STAB2: variants seen among roughly 807,000 people sequenced by gnomAD.
STAB2 encodes stabilin-2.
A neutral mutation model predicts 338.1 loss-of-function variants in STAB2; 288 were observed. That is an observed-to-expected ratio of 0.85 (90% CI 0.77 to 0.94). The LOEUF (loss-of-function observed/expected upper bound fraction) is 0.94, where lower values mean the gene tolerates loss of function less well. Ranked by LOEUF, STAB2 falls within the 40% of genes least tolerant of loss-of-function variation. STAB2 has a pLI of 0.00. For missense variants in STAB2, 3,141 were observed against 3,210.1 expected, an observed-to-expected ratio of 0.98 and a Z score of 0.52; for synonymous variants, 1,202 against 1,193.3, an observed-to-expected ratio of 1.01 and a Z score of -0.15.
At position 103,721,413 on chromosome 12, in the gene STAB2, A is replaced by T. The variant is rs1439777253; in HGVS notation, c.4684-3562A>T. ...GAGCCAGTGTGAATGCAGTAAAGGG[A>T]ATAAAAGGGAGGTGGTGAGAGGGGC... On this transcript the variant is annotated intron_variant, in intron 44 of 68. Transcript: ENST00000388887. Among the ~76,000 whole-genome samples, 3 of 152,184 alleles carry T rather than the reference A, an allele frequency of 2.0e-5. No homozygotes were observed. The East Asian group carries it at 5.8e-4, about 29-fold the overall frequency.
At chr12:103,609,633 A>C (rs1355909812) in intron 3 of STAB2, among the ~76,000 whole-genome samples, 1 of 152,138 alleles carries the variant, frequency 6.6e-6, no homozygotes, top group Non-Finnish European at 1.5e-5. Flanking sequence ...TCATCTGCAA[A>C]CAGGGACAAT....
intron 27 of STAB2, among the ~76,000 whole-genome samples, chr12:103,685,465 T>C (rs35168943): frequency 0.15 from 20,522 of 141,342 alleles, 1,660 homozygotes; most frequent in East Asian, 0.3. Flanking sequence ...CGCGTGCGTG[T>C]GTGTGTGCGT....
chr12:103,730,008 A>G, intron 48 of STAB2, 108 bp from the exon 49 acceptor site: 1 of 1,026,230 alleles, frequency 9.7e-7, no homozygotes, highest in East Asian at 2.6e-5. Context: ...TTGGATATTC[A>G]GTTTTTGCTC....
At chr12:103,599,788 A>G (rs1593806) in intron 3 of STAB2, among the ~76,000 whole-genome samples, 48,931 of 152,068 alleles carry the variant, frequency 0.32, 10,035 homozygotes, top group African/African-American at 0.58. Context: ...AAAGCACTTA[A>G]GATGTGCCTG....
chr12:103,744,135 T>C (rs1287268323), intron 56 of STAB2, among the ~76,000 whole-genome samples: 1 of 126,598 alleles, frequency 7.9e-6, no homozygotes, highest in East Asian at 2.4e-4. Context: ...AATTGGTACA[T>C]ATTTTTTAAT....
At position 103,737,599 on chromosome 12, in the gene STAB2, TCTTTCTC is replaced by T. The variant is rs779350288; in HGVS notation, c.5551-34_5551-28del. On this transcript the variant is annotated intron_variant, in intron 52 of 68. Transcript: ENST00000388887. ...TTCTCTCTCTCTCTCTCTCTCTCTC[TCTTTCTC>T]TTTTTTTTTTTTTTTTTTCTTTCTT... 8,278 of 1,339,514 alleles carry T rather than the reference TCTTTCTC, an allele frequency of 6.2e-3. 259 individuals are homozygous for T. Among genetic ancestry groups the T allele is most frequent in the East Asian group, 0.014 (513 of 37,332 alleles). The allele number at this position is 1,339,514 out of a possible 1,614,324, so 83.0% of individuals were successfully genotyped here.
intron 8 of STAB2, among the ~76,000 whole-genome samples, chr12:103,639,704 C>CAA (rs11449305): frequency 0.03 from 2,786 of 91,600 alleles, 114 homozygotes; most frequent in African/African-American, 0.093. Context: ...GACCCTGTCT[C>CAA]AAAAAAAAAA....
rs1380184282 is a variant in STAB2 at position 103,755,390 on chromosome 12, G to A, written c.6803G>A (p.Gly2268Asp). ...TAFASQNCGS[G>D]VVGIVDYGPR... Reference sequence around the variant, plus strand: ...TTCGCCTCCCAGAACTGTGGCTCTGGTGTGGTTGGGATAGTGGACTATGGA... The same window carrying A: ...TTCGCCTCCCAGAACTGTGGCTCTGATGTGGTTGGGATAGTGGACTATGGA... Residue 2268 changes from glycine (G) to aspartate (D), a missense_variant, in exon 62 of 69, where the codon GGT (glycine) becomes GAT (aspartate). By Grantham distance (94) the Gly-to-Asp change is moderately conservative. Transcript: ENST00000388887. 2 of 1,614,164 alleles carry A rather than the reference G, an allele frequency of 1.2e-6. No homozygotes were observed. Among genetic ancestry groups the A allele is most frequent in the Non-Finnish European group, 1.7e-6 (2 of 1,180,030 alleles).
Position 103,740,884 on chromosome 12 carries a change from C to T in STAB2, c.5881+128C>T, listed in dbSNP as rs1190805796. On this transcript the variant is annotated intron_variant, in intron 55 of 68. Transcript: ENST00000388887. ...CACTGCTAATAATGATTCCCAGACC[C>T]CAGAACTCTGAAGAGTTGTGTATCA... 5 of 1,327,134 alleles carry T rather than the reference C, an allele frequency of 3.8e-6. No individual in the cohort carries two copies. The East Asian group carries it at 8.1e-5, about 21-fold the overall frequency. The allele number at this position is 1,327,134 out of a possible 1,614,324, so 82.2% of individuals were successfully genotyped here. A position where few individuals can be genotyped will look rare whatever the true frequency, so the allele number is the denominator to read the frequency against.
intron 35 of STAB2, 62 bp downstream of exon 35, chr12:103,703,338 T>G: frequency 6.3e-6 from 10 of 1,578,914 alleles, no homozygotes; most frequent in East Asian, 4.5e-5. Flanking sequence ...TTTTATATAA[T>G]TTTGGGGGCA....
chr12:103,604,634 A>G (rs1181221583), intron 3 of STAB2, among the ~76,000 whole-genome samples: 6 of 151,970 alleles, frequency 3.9e-5, no homozygotes, highest in Non-Finnish European at 8.8e-5. Flanking sequence ...TCTCAAATTT[A>G]TTGGCATAAA....
chr12:103,603,896 A>G (rs928483801), intron 3 of STAB2, among the ~76,000 whole-genome samples: 12 of 152,086 alleles, frequency 7.9e-5, no homozygotes, highest in Non-Finnish European at 8.8e-5. Context: ...TTTGTTTATC[A>G]CTGTTGTATA....
chr12:103,683,732 CAG>C (rs1250418146), intron 26 of STAB2, among the ~76,000 whole-genome samples: 4 of 152,168 alleles, frequency 2.6e-5, no homozygotes, highest in African/African-American at 7.2e-5. Context: ...AATGTCACAA[CAG>C]AGTTTTACAA....
At chr12:103,669,516 G>T (rs1042033442) in intron 20 of STAB2, 25 bp from the exon 21 acceptor site, 20 of 1,603,668 alleles carry the variant, frequency 1.2e-5, no homozygotes, top group Non-Finnish European at 1.6e-5. Context: ...GGGGTTCAAA[G>T]GGGAACACGC....
At chr12:103,686,251 C>A (rs1877421717) in intron 27 of STAB2, among the ~76,000 whole-genome samples, 1 of 152,168 alleles carries the variant, frequency 6.6e-6, no homozygotes, top group Non-Finnish European at 1.5e-5. Context: ...AAGAACCTTG[C>A]CCTTGGGGGG....
At chr12:103,731,549 T>C in intron 49 of STAB2, 27 bp from the exon 50 acceptor site, 15 of 1,611,364 alleles carry the variant, frequency 9.3e-6, no homozygotes, top group Non-Finnish European at 1.2e-5. Context: ...AGGAAAAGTT[T>C]CATGCCCATT....
rs763174579 is a variant in STAB2, at chr12:103,742,507, C to T, written c.5984C>T (p.Thr1995Met). 21 of 1,613,954 alleles carry T rather than the reference C, an allele frequency of 1.3e-5. No homozygotes were observed. Among genetic ancestry groups the T allele is most frequent in the Middle Eastern group, 1.6e-4 (1 of 6,084 alleles). ...ECKCNTGFNG[T>M]ACEMCWPGRF... ...AAATGCAACACCGGCTTCAATGGGA[C>T]GGCGTGTGAGATGTGCTGGCCGGGG... is the stretch of plus-strand genomic sequence containing the variant. The change falls in exon 56 of 69, where the codon ACG becomes ATG. Residue 1995 changes from threonine to methionine, a missense_variant. By Grantham distance (81) the Thr-to-Met change is moderately conservative (BLOSUM62 -1). Transcript: ENST00000388887.
At chr12:103,613,073 C>T (rs575162912) in intron 3 of STAB2, among the ~76,000 whole-genome samples, 8 of 152,266 alleles carry the variant, frequency 5.3e-5, no homozygotes, top group Admixed American at 1.3e-4. Flanking sequence ...GCTACCCGGC[C>T]GTGTGAGGTG....
Position 103,711,504 on chromosome 12 carries a change from A to G in STAB2, c.4322A>G (p.His1441Arg), listed in dbSNP as rs1417433963. The G allele has an allele frequency of 1.2e-6, 2 of 1,614,142 alleles. No homozygotes were observed. The highest frequency in any genetic ancestry group is 1.3e-5 in the African/African-American group (1 of 75,048). Residue 1441 changes from histidine (H) to arginine (R), a missense_variant, in exon 40 of 69, where the codon CAT (histidine) becomes CGT (arginine). His to Arg is a conservative substitution (Grantham distance 29). Coordinates refer to ENST00000388887, the MANE Select transcript of STAB2 (RefSeq NM_017564.10). ...GAAGACAACTGCAATGGGACATGCC[A>G]TACCAGCGCCAAGTAGGTAGCCCTG... Reference protein sequence around the residue: ...TTEDNCNGTCHTSANCLTNSD... With the variant: ...TTEDNCNGTCRTSANCLTNSD...
Sources: allele counts gnomAD v4.1 joint callset (sites outside exome capture counted in the v4.1 genomes callset), GRCh38; gene constraint gnomAD v4.1.1; transcripts MANE v1.5; gene names NCBI Gene and HGNC (gene_info 2026-07-23, HGNC 2026-07-21).